The following NID2 variants were observed in gnomAD, a reference collection of about 807,000 sequenced individuals.
NID2 encodes the protein nidogen 2.
Under a neutral mutation model 145.4 loss-of-function variants are expected in NID2, and 83 were observed. The ratio of observed to expected loss-of-function variants is 0.57; its 90% CI spans 0.48 to 0.69. The LOEUF (loss-of-function observed/expected upper bound fraction) is 0.69. Among genes scored for constraint, NID2 ranks in the 30% least tolerant of loss-of-function variants. The pLI is 0.00. For synonymous variants in NID2, 739 were observed against 701.3 expected (o/e 1.05, Z -0.85); for missense variants, 1,807 against 1,765.7 (o/e 1.02, Z -0.42).
At chr14:52,009,850 G>A (rs1209449602) in intron 18 of NID2, 2 of 152,378 alleles carry the variant, frequency 1.3e-5, no homozygotes, top group African/African-American at 4.8e-5. Flanking sequence ...AGCTGGGCAT[G>A]GTGGCACATG....
chr14:52,067,015 C>T (rs1235757658), intron 2 of NID2, among the ~76,000 whole-genome samples: 1 of 152,210 alleles, frequency 6.6e-6, no homozygotes, highest in Non-Finnish European at 1.5e-5. Context: ...AAACTGGTAC[C>T]TGGAAGGCAA....
chr14:52,028,423 T>TGC (rs1289477857), intron 11 of NID2, among the ~76,000 whole-genome samples: 1 of 152,054 alleles, frequency 6.6e-6, no homozygotes. Flanking sequence ...TACAGGCGTG[T>TGC]GCCACCACAC....
Position 52,053,916 on chromosome 14 carries a change from G to A in NID2, c.1092C>T (p.His364=), listed in dbSNP as rs762662856. The part of the protein sequence containing the change: ...PLEESSTLDP[H]TKEGTSLGEV... ...CTCCCAGAGATGTTCCTTCTTTGGT[G>A]TGAGGATCCAAGGTGGAAGATTCTG... Residue 364 remains histidine (H), a synonymous_variant, in exon 5 of 22, where the codon CAC becomes CAT. Transcript: ENST00000216286. 1 of 1,613,920 alleles carries A rather than the reference G, an allele frequency of 6.2e-7. No individual in the cohort carries two copies. Among genetic ancestry groups the A allele is most frequent in the Admixed American group, 1.7e-5 (1 of 59,964 alleles).
At chr14:52,038,699 A>C in intron 9 of NID2, 48 bp downstream of exon 9, 1 of 1,414,392 alleles carries the variant, frequency 7.1e-7, no homozygotes, top group African/African-American at 1.4e-5. Context: ...TTCTAACTCT[A>C]CTTAAAAGGA....
chr14:52,026,241 A>G (rs985380301), intron 12 of NID2, among the ~76,000 whole-genome samples: 1 of 152,246 alleles, frequency 6.6e-6, no homozygotes, highest in Non-Finnish European at 1.5e-5. Context: ...GGCCCGTGCT[A>G]TTCGGATCTG....
At position 52,005,457 on chromosome 14, in the gene NID2, A is replaced by ACTCCAAGTCTTCC; in HGVS notation, c.*16_*28dup. 6.4e-7 allele frequency: 1 copy of ACTCCAAGTCTTCC among 1,566,514 alleles called. No individual in the cohort carries two copies. The highest frequency in any genetic ancestry group is 8.6e-7 in the Non-Finnish European group (1 of 1,160,968). ...TTTAGGGTCCAGGTTCTGATTGTAA[A>ACTCCAAGTCTTCC]CTCCAAGTCTTCCTTTACATTACTG... On this transcript the variant is annotated 3_prime_UTR_variant, in exon 22 of 22. Transcript: ENST00000216286.
chr14:52,024,251 A>T (rs1891502501), intron 12 of NID2, among the ~76,000 whole-genome samples: 1 of 152,218 alleles, frequency 6.6e-6, no homozygotes, highest in African/African-American at 2.4e-5. Flanking sequence ...CCCTTTCAGT[A>T]ACTTGCTTTT....
intron 2 of NID2, among the ~76,000 whole-genome samples, chr14:52,064,253 C>T (rs139946886): frequency 1.5e-3 from 232 of 152,304 alleles, no homozygotes; most frequent in African/African-American, 5.2e-3. Context: ...CTTAATTTGT[C>T]TTCTGTTGTT....
At chr14:52,007,545 C>CT (rs1890833383) in intron 19 of NID2, 1 of 426,046 alleles carries the variant, frequency 2.3e-6, no homozygotes, top group South Asian at 2.8e-5. Flanking sequence ...ATGGCTAATT[C>CT]TTTTAACTGT....
chr14:52,007,996 GA>G (rs1566739066), intron 18 of NID2, 29 bp from the exon 19 acceptor site: 1 of 1,583,132 alleles, frequency 6.3e-7, no homozygotes, highest in African/African-American at 1.4e-5. Context: ...GATTGTAAAA[GA>G]ATAGCCATGT....
chr14:52,010,602 C>T (rs143382076), intron 18 of NID2: 8 of 306,712 alleles, frequency 2.6e-5, no homozygotes, highest in African/African-American at 1.3e-4. Flanking sequence ...GTTCTCACAA[C>T]ACTATCTGAA....
chr14:52,050,999 C>T (rs1197626469), intron 5 of NID2, among the ~76,000 whole-genome samples: 1 of 152,180 alleles, frequency 6.6e-6, no homozygotes, highest in Non-Finnish European at 1.5e-5. Flanking sequence ...GACTTGACAA[C>T]AAAACGACCA....
Position 52,011,606 on chromosome 14 carries a change from G to C in NID2, c.3498C>G (p.Ile1166Met). Reference protein sequence around the residue: ...VYWTDVAGRTISRAGLELGAE... With the variant: ...VYWTDVAGRTMSRAGLELGAE... The stretch of plus-strand genomic sequence containing the variant: ...CTCCCAGTTCCAGACCAGCACGGCT[G>C]ATTGTCCGTCCAGCAACATCTGTCC... The change falls in exon 17 of 22, where the codon ATC (isoleucine) becomes ATG (methionine). Residue 1166 changes from isoleucine (I) to methionine (M), a missense_variant. Ile to Met is a conservative substitution (Grantham distance 10). Transcript: ENST00000216286. The C allele has an allele frequency of 6.2e-7, 1 of 1,614,220 alleles. No individual in the cohort carries two copies. Among genetic ancestry groups the C allele is most frequent in the Non-Finnish European group, 8.5e-7 (1 of 1,180,034 alleles).
At position 52,053,724 on chromosome 14, in the gene NID2, T is replaced by G; in HGVS notation, c.1284A>C (p.Pro428=). 6.2e-7 allele frequency: 1 copy of G among 1,614,232 alleles called. No individual in the cohort carries two copies. The highest frequency in any genetic ancestry group is 8.5e-7 in the Non-Finnish European group (1 of 1,180,030). ...GGGGAACATCCATTTCCGAAGGCAC[T>G]GGCCCTCCATCTGGGTAGGGCTGGA... ...GSIQPYPDGG[P]VPSEMDVPPA... The change falls in exon 5 of 22, where the codon CCA becomes CCC. Residue 428 remains proline (P), a synonymous_variant. Transcript: ENST00000216286.
At chr14:52,062,023 T>G (rs1002114152) in intron 2 of NID2, among the ~76,000 whole-genome samples, 1 of 152,204 alleles carries the variant, frequency 6.6e-6, no homozygotes, top group African/African-American at 2.4e-5. Flanking sequence ...GAGAAGAACA[T>G]CACATTTCAC....
At chr14:52,049,699 TC>T (rs869180801) in intron 5 of NID2, among the ~76,000 whole-genome samples, 4 of 109,254 alleles carry the variant, frequency 3.7e-5, no homozygotes, top group Middle Eastern at 4.7e-3. Flanking sequence ...TGCTTTTTCG[TC>T]CAGTTTTCAT....
At chr14:52,030,561 AAAG>A (rs1280694592) in intron 9 of NID2, among the ~76,000 whole-genome samples, 1 of 68,032 alleles carries the variant, frequency 1.5e-5, no homozygotes, top group Non-Finnish European at 3.2e-5. Context: ...AGAAAGAAAG[AAAG>A]AAAGGAAGGA....
At chr14:52,062,730 A>G (rs2140434227) in intron 2 of NID2, among the ~76,000 whole-genome samples, 1 of 152,210 alleles carries the variant, frequency 6.6e-6, no homozygotes, top group East Asian at 1.9e-4. Context: ...GGGGATGGGG[A>G]AGGGGGGAAG....
At chr14:52,038,150 C>T (rs182979735) in intron 9 of NID2, among the ~76,000 whole-genome samples, 3,151 of 152,276 alleles carry the variant, frequency 0.021, 74 homozygotes, top group South Asian at 0.1. Flanking sequence ...AAAGTGGCAA[C>T]AGCAGACATC....
Sources: allele counts gnomAD v4.1 joint callset (sites outside exome capture counted in the v4.1 genomes callset), GRCh38; gene constraint gnomAD v4.1.1; transcripts MANE v1.5; gene names NCBI Gene and HGNC (gene_info 2026-07-23, HGNC 2026-07-21).